The following APBA1 variants were observed in gnomAD, a reference collection of about 807,000 sequenced individuals.
APBA1 encodes the protein amyloid-beta A4 precursor protein-binding family A member 1.
Under a neutral mutation model 86.6 loss-of-function variants are expected in APBA1, and 55 were observed. That is an observed-to-expected ratio of 0.64 (90% CI 0.51 to 0.80). The LOEUF (loss-of-function observed/expected upper bound fraction) is 0.80, where lower values mean the gene tolerates loss of function less well. APBA1 is among the 30% of genes least tolerant of loss of function. APBA1 has a pLI of 0.00. For synonymous variants in APBA1, 511 were observed against 493.9 expected, an observed-to-expected ratio of 1.03 and a Z score of -0.46; for missense variants, 1,090 against 1,183.0, an observed-to-expected ratio of 0.92 and a Z score of 1.15.
intron 1 of APBA1, among the ~76,000 whole-genome samples, chr9:69,655,720 C>T (rs1285096830): frequency 6.6e-6 from 1 of 151,792 alleles, no homozygotes; most frequent in Non-Finnish European, 1.5e-5. Flanking sequence ...AAAAACAATC[C>T]TAAAATTCAT....
chr9:69,570,632 C>G (rs747543085), intron 1 of APBA1, among the ~76,000 whole-genome samples: 11 of 152,146 alleles, frequency 7.2e-5, no homozygotes, highest in African/African-American at 1.2e-4. Context: ...CAGTTTGCAG[C>G]TTTTTCAAGG....
intron 1 of APBA1, among the ~76,000 whole-genome samples, chr9:69,532,486 G>T (rs1836449085): frequency 6.6e-6 from 1 of 152,172 alleles, no homozygotes; most frequent in South Asian, 2.1e-4. Flanking sequence ...TGTGACATCT[G>T]TGTGTGTTAA....
intron 1 of APBA1, among the ~76,000 whole-genome samples, chr9:69,633,038 C>A (rs767540362): frequency 1.2e-4 from 18 of 151,972 alleles, no homozygotes; most frequent in Non-Finnish European, 2.5e-4. Flanking sequence ...AGGCTGCCCT[C>A]CCTAACAGCT....
intron 4 of APBA1, among the ~76,000 whole-genome samples, chr9:69,470,730 C>A (rs533060715): frequency 6.6e-6 from 1 of 152,290 alleles, no homozygotes; most frequent in African/African-American, 2.4e-5. Context: ...CGTTCTCTGG[C>A]CTCCAGAAAA....
chr9:69,641,387 A>G (rs989467579), intron 1 of APBA1, among the ~76,000 whole-genome samples: 8 of 152,212 alleles, frequency 5.3e-5, no homozygotes, highest in African/African-American at 1.9e-4. Flanking sequence ...ACTTCTCTGT[A>G]GAAACTGACA....
chr9:69,636,365 T>C (rs1318348409), intron 1 of APBA1, among the ~76,000 whole-genome samples: 1 of 152,142 alleles, frequency 6.6e-6, no homozygotes, highest in African/African-American at 2.4e-5. Flanking sequence ...AAAAATATAC[T>C]TACCATATGA....
chr9:69,528,630 C>G (rs1373219161), intron 1 of APBA1, among the ~76,000 whole-genome samples: 1 of 151,922 alleles, frequency 6.6e-6, no homozygotes, highest in Admixed American at 6.6e-5. Context: ...CTGTTACAAT[C>G]CCTTTTTTAT....
At chr9:69,545,814 C>G (rs1296163698) in intron 1 of APBA1, among the ~76,000 whole-genome samples, 1 of 151,934 alleles carries the variant, frequency 6.6e-6, no homozygotes, top group Admixed American at 6.6e-5. Context: ...ACTTTGAATG[C>G]AAAAAGAAAG....
At chr9:69,517,376 T>C in intron 1 of APBA1, 97 bp from the exon 2 acceptor site, 8 of 1,201,172 alleles carry the variant, frequency 6.7e-6, no homozygotes, top group Non-Finnish European at 6.4e-6. Flanking sequence ...TATTGATTCC[T>C]TTTAGTTCTG....
chr9:69,671,169 T>C (rs1823941255), intron 1 of APBA1, among the ~76,000 whole-genome samples: 2 of 152,158 alleles, frequency 1.3e-5, no homozygotes, highest in Non-Finnish European at 2.9e-5. Flanking sequence ...CATTGAAAGT[T>C]GTGGGGACAG....
chr9:69,427,573 A>G lies in APBA1; in HGVS notation c.*3754T>C, dbSNP rs1834507517. ...TGTTTATTGTTGCAGCAACTCTTATACAGACATTAGCGTTCAGTTAAATAA... is the reference window on the plus strand; with the variant it reads ...TGTTTATTGTTGCAGCAACTCTTATGCAGACATTAGCGTTCAGTTAAATAA... On this transcript the variant is annotated 3_prime_UTR_variant, in exon 13 of 13. Transcript: ENST00000265381. 1 of 152,014 alleles carries G rather than the reference A, an allele frequency of 6.6e-6. No homozygotes were observed. The allele number at this position is 152,014 out of a possible 1,614,324, so 9.4% of individuals were successfully genotyped here. A position where few individuals can be genotyped will look rare whatever the true frequency, so the allele number is the denominator to read the frequency against.
chr9:69,652,319 A>G (rs1040166129), intron 1 of APBA1, among the ~76,000 whole-genome samples: 1 of 152,214 alleles, frequency 6.6e-6, no homozygotes, highest in Non-Finnish European at 1.5e-5. Flanking sequence ...AGGTGTTGAT[A>G]TCTGACTCTC....
intron 5 of APBA1, among the ~76,000 whole-genome samples, chr9:69,459,977 A>G (rs976610227): frequency 6.6e-6 from 1 of 152,262 alleles, no homozygotes; most frequent in African/African-American, 2.4e-5. Context: ...TGGCAAGTCA[A>G]TGGCCAAACT....
chr9:69,450,056 GTTTTTTTTT>G (rs58417611), intron 9 of APBA1, among the ~76,000 whole-genome samples: 5 of 94,154 alleles, frequency 5.3e-5, no homozygotes, highest in East Asian at 6.7e-4. Context: ...AGGACCACCA[GTTTTTTTTT>G]TTTTTTTTTT....
intron 1 of APBA1, among the ~76,000 whole-genome samples, chr9:69,648,617 T>C (rs1037135464): frequency 1.3e-5 from 2 of 152,152 alleles, no homozygotes; most frequent in South Asian, 2.1e-4. Flanking sequence ...TAGAGCTCTA[T>C]AGTTTAGCCC....
intron 1 of APBA1, among the ~76,000 whole-genome samples, chr9:69,628,884 G>A (rs1822984160): frequency 6.6e-6 from 1 of 152,118 alleles, no homozygotes; most frequent in African/African-American, 2.4e-5. Context: ...GAGTAAAAGT[G>A]AGTTAAAAAG....
At chr9:69,439,754 T>G (rs905468077) in intron 11 of APBA1, among the ~76,000 whole-genome samples, 7 of 152,232 alleles carry the variant, frequency 4.6e-5, no homozygotes, top group African/African-American at 1.7e-4. Context: ...CAGAGTAGTT[T>G]GATCTTCTGA....
At chr9:69,456,561 C>G in intron 7 of APBA1, 129 bp from the exon 8 acceptor site, 1 of 950,330 alleles carries the variant, frequency 1.1e-6, no homozygotes, top group Non-Finnish European at 1.6e-6. Context: ...CTGCAAAGCC[C>G]ATGCTGAGGG....
chr9:69,440,934 A>G, intron 11 of APBA1, 62 bp downstream of exon 11: 2 of 1,579,120 alleles, frequency 1.3e-6, no homozygotes, highest in East Asian at 4.5e-5. Context: ...CCACCCCCCC[A>G]GCCATGCTAC....
Sources: gnomAD v4.1 joint callset for allele counts (sites outside exome capture counted in the v4.1 genomes callset) on GRCh38, gnomAD v4.1.1 for gene constraint, MANE v1.5 for transcripts, NCBI Gene and HGNC (gene_info 2026-07-23, HGNC 2026-07-21) for gene names.